The following PDPK1 variants were observed in gnomAD, a reference collection of about 807,000 sequenced individuals.
PDPK1 encodes 3-phosphoinositide-dependent protein kinase 1.
In PDPK1, 7 loss-of-function variants were observed where a neutral mutation model predicts 39.8. The observed-to-expected ratio is 0.18, with a 90% CI of 0.10 to 0.33. The LOEUF (loss-of-function observed/expected upper bound fraction) is 0.33, where lower values mean the gene tolerates loss of function less well. Among genes scored for constraint, PDPK1 ranks in the 10% least tolerant of loss-of-function variants. The probability of loss-of-function intolerance (pLI) is 1.00; values close to 1 mark genes in which losing one functional copy is unlikely to be tolerated. For missense variants in PDPK1, 182 were observed against 384.7 expected, an observed-to-expected ratio of 0.47 and a Z score of 4.41; for synonymous variants, 118 against 159.1, an observed-to-expected ratio of 0.74 and a Z score of 1.95.
At position 2,601,821 on chromosome 16, in the gene PDPK1, C is replaced by T. The variant is rs1219357803; in HGVS notation, c.*4054C>T. ...ATTTCAGGCCGCCCCCCCCAACTCCCTGCCCACAGTGTTGCAGATTGCCTG... is the reference window on the plus strand; with the variant it reads ...ATTTCAGGCCGCCCCCCCCAACTCCTTGCCCACAGTGTTGCAGATTGCCTG... On this transcript the variant is annotated 3_prime_UTR_variant, in exon 14 of 14. Transcript: ENST00000342085. 2.2e-5 allele frequency: 5 copies of T among 228,854 alleles called. No individual in the cohort carries two copies. Among genetic ancestry groups the T allele is most frequent in the Non-Finnish European group, 3.5e-5 (4 of 114,962 alleles). The allele number at this position is 228,854 out of a possible 1,614,324, so 14.2% of individuals were successfully genotyped here. A position where few individuals can be genotyped will look rare whatever the true frequency, so the allele number is the denominator to read the frequency against.
chr16:2,578,269 A>C (rs1181234539), intron 7 of PDPK1: 3 of 146,444 alleles, frequency 2.0e-5, no homozygotes, highest in Non-Finnish European at 2.9e-5. Flanking sequence ...AGGGTCTTTG[A>C]GAGACACAGC....
In PDPK1 at chr16:2,597,368, GC is replaced by G. The variant is rs1316775924; in HGVS notation, c.1554+94del. On this transcript the variant is annotated intron_variant, in intron 13 of 13. Transcript: ENST00000342085. The surrounding 1 kb of genome is among the most constrained non-coding windows in gnomAD (Gnocchi z 6.3). The stretch of plus-strand genomic sequence containing the variant: ...CCACAGGCCTTGGCCAGAGGGAGCA[GC>G]GGGGATCGGGGCAGCTGCCTCGCCC... 8.5e-7 allele frequency: 1 copy of G among 1,178,738 alleles called. No homozygotes were observed. Among genetic ancestry groups the G allele is most frequent in the Non-Finnish European group, 1.2e-6 (1 of 825,102 alleles). 73.0% of individuals were successfully genotyped at this position (1,178,738 alleles called of 1,614,324 possible). A position where few individuals can be genotyped will look rare whatever the true frequency, so the allele number is the denominator to read the frequency against.
At chr16:2,592,901 G>C (rs936704179) in intron 11 of PDPK1, 1 of 456,642 alleles carries the variant, frequency 2.2e-6, no homozygotes, top group Non-Finnish European at 4.4e-6. Context: ...GCGCCTGTCC[G>C]TGGGGCCCTT....
chr16:2,556,347 C>T (rs1330874788), intron 1 of PDPK1, among the ~76,000 whole-genome samples: 1 of 147,638 alleles, frequency 6.8e-6, no homozygotes, highest in Non-Finnish European at 1.5e-5. Flanking sequence ...TTGGCCTCTG[C>T]GCCCGGCCTA....
chr16:2,540,411 C>G (rs932256449), intron 1 of PDPK1, among the ~76,000 whole-genome samples: 1 of 152,156 alleles, frequency 6.6e-6, no homozygotes, highest in African/African-American at 2.4e-5. Flanking sequence ...TCCCATTTTA[C>G]GGGTGCAGAA....
Position 2,597,598 on chromosome 16 carries a change from G to A in PDPK1, c.1555-53G>A, listed in dbSNP as rs937936469. 2 of 1,280,442 alleles carry A rather than the reference G, an allele frequency of 1.6e-6. No individual in the cohort carries two copies. The highest frequency in any genetic ancestry group is 2.9e-5 in the African/African-American group (2 of 68,446). 79.3% of individuals were successfully genotyped at this position (1,280,442 alleles called of 1,614,324 possible). The stretch of plus-strand genomic sequence containing the variant: ...CGCAGGCAGCTCACCAGGTTGGGGT[G>A]GGGGTTTTGGTGGGACTCCCTGGAG... On this transcript the variant is annotated intron_variant, in intron 13 of 13. Coordinates refer to ENST00000342085, the MANE Select transcript of PDPK1 (RefSeq NM_002613.5). This position sits in a 1 kb window ranked among gnomAD's most constrained non-coding sequence, Gnocchi z 6.3.
chr16:2,541,202 C>T (rs2066238852), intron 1 of PDPK1, among the ~76,000 whole-genome samples: 1 of 152,202 alleles, frequency 6.6e-6, no homozygotes, highest in Non-Finnish European at 1.5e-5. Flanking sequence ...AGGCCTTGGG[C>T]AGCTCTTCTT....
chr16:2,585,666 G>T (rs941253117), intron 10 of PDPK1, among the ~76,000 whole-genome samples: 1 of 152,220 alleles, frequency 6.6e-6, no homozygotes, highest in African/African-American at 2.4e-5. Flanking sequence ...TGGAGGGGCC[G>T]GCGTGGAGGG....
intron 10 of PDPK1, among the ~76,000 whole-genome samples, chr16:2,586,405 C>T (rs1056631643): frequency 4.6e-5 from 7 of 152,256 alleles, no homozygotes; most frequent in African/African-American, 1.4e-4. Context: ...GGGCCCAGGT[C>T]CCCTCTTCCT....
Position 2,599,244 on chromosome 16 carries a change from C to G in PDPK1, c.*1477C>G, listed in dbSNP as rs1286805264. 1 of 226,714 alleles carries G rather than the reference C, an allele frequency of 4.4e-6. No homozygotes were observed. The highest frequency in any genetic ancestry group is 8.5e-6 in the Non-Finnish European group (1 of 117,978). The allele number at this position is 226,714 out of a possible 1,614,324, so 14.0% of individuals were successfully genotyped here. Reference sequence around the variant, plus strand: ...CCCTTTGGGGGAGAGGCAGACATTGCTGCCCACAGACCTGCCTCTGACTCA... The same window carrying G: ...CCCTTTGGGGGAGAGGCAGACATTGGTGCCCACAGACCTGCCTCTGACTCA... On this transcript the variant is annotated 3_prime_UTR_variant, in exon 14 of 14. Transcript: ENST00000342085.
chr16:2,602,298 A>C lies in PDPK1; in HGVS notation c.*4531A>C. 2 of 234,686 alleles carry C rather than the reference A, an allele frequency of 8.5e-6. No homozygotes were observed. Among genetic ancestry groups the C allele is most frequent in the Non-Finnish European group, 1.7e-5 (2 of 117,998 alleles). The allele number at this position is 234,686 out of a possible 1,614,324, so 14.5% of individuals were successfully genotyped here. ...TCTGAGGGGCCACCACTTCTGGCCC[A>C]AAATTGCAGGGTTGTAGATGAGGCT... On this transcript the variant is annotated 3_prime_UTR_variant, in exon 14 of 14. Coordinates refer to ENST00000342085, the MANE Select transcript of PDPK1 (RefSeq NM_002613.5).
chr16:2,557,501 G>GCA (rs1434873859), intron 1 of PDPK1: 3 of 443,742 alleles, frequency 6.8e-6, no homozygotes, highest in Non-Finnish European at 1.2e-5. Flanking sequence ...GCGCTGCCTG[G>GCA]TGGATTAGCG....
intron 1 of PDPK1, chr16:2,538,531 G>C (rs1187159108): frequency 1.2e-6 from 1 of 808,722 alleles, no homozygotes; most frequent in Non-Finnish European, 1.8e-6. Flanking sequence ...CACCTGGAAC[G>C]GGGTCCTTGG....
intron 1 of PDPK1, chr16:2,539,524 C>T (rs1178046920): frequency 2.6e-5 from 4 of 152,140 alleles, no homozygotes; most frequent in African/African-American, 9.7e-5. Context: ...GTAACTACGT[C>T]AGGAGGCTCT....
chr16:2,587,569 C>G (rs1321532658), intron 11 of PDPK1, among the ~76,000 whole-genome samples: 1 of 151,958 alleles, frequency 6.6e-6, no homozygotes, highest in Non-Finnish European at 1.5e-5. Context: ...AATGCAGTGG[C>G]GCGATCTCAG....
chr16:2,595,659 C>G, intron 11 of PDPK1, 134 bp from the exon 12 acceptor site: 1 of 719,048 alleles, frequency 1.4e-6, no homozygotes, highest in Non-Finnish European at 2.5e-6. Flanking sequence ...CGAACGTTCT[C>G]TGCTCATCCC....
Position 2,586,777 on chromosome 16 carries a change from C to G in PDPK1, c.1227C>G (p.Gly409=). 6.2e-7 allele frequency: 1 copy of G among 1,614,260 alleles called. No homozygotes were observed. The highest frequency in any genetic ancestry group is 8.5e-7 in the Non-Finnish European group (1 of 1,180,036). ...ASDTGLPQRS[G]SNIEQYIHDL... is the part of the protein sequence containing the mutation. ...ACACGGGCCTGCCCCAGAGGTCAGGCAGCAACATAGAGCAGTACATTCACG... is the reference window on the plus strand; with the variant it reads ...ACACGGGCCTGCCCCAGAGGTCAGGGAGCAACATAGAGCAGTACATTCACG... The change falls in exon 11 of 14, where the codon GGC becomes GGG. Residue 409 remains glycine, a synonymous_variant. Coordinates refer to ENST00000342085, the MANE Select transcript of PDPK1 (RefSeq NM_002613.5).
At chr16:2,590,699 A>G (rs1360808443) in intron 11 of PDPK1, among the ~76,000 whole-genome samples, 2 of 152,274 alleles carry the variant, frequency 1.3e-5, no homozygotes, top group African/African-American at 4.8e-5. Context: ...TGTCAGTGAT[A>G]ACATTGAAAC....
In PDPK1 at chr16:2,593,406, A is replaced by T. The variant is rs2067032580; in HGVS notation, c.1344-2387A>T. On this transcript the variant is annotated intron_variant, in intron 11 of 13. Transcript: ENST00000342085. The surrounding 1 kb of genome is among the most constrained non-coding windows in gnomAD (Gnocchi z 4.2). ...GTGGTCCTGGTGGTTTTTTAGGTGG[A>T]GGTGGTTTCGTCCTCTTTCCGTGGC... 6 of 320,910 alleles carry T rather than the reference A, an allele frequency of 1.9e-5. No homozygotes were observed. The highest frequency in any genetic ancestry group is 1.2e-4 in the South Asian group (5 of 40,710). 19.9% of individuals were successfully genotyped at this position (320,910 alleles called of 1,614,324 possible). A position where few individuals can be genotyped will look rare whatever the true frequency, so the allele number is the denominator to read the frequency against.
Sources: allele counts gnomAD v4.1 joint callset (sites outside exome capture counted in the v4.1 genomes callset), GRCh38; gene constraint gnomAD v4.1.1; non-coding constraint Gnocchi (gnomAD v3.1); transcripts MANE v1.5; gene names NCBI Gene and HGNC (gene_info 2026-07-23, HGNC 2026-07-21).